Variants in GRM5 observed in about 807,000 individuals in gnomAD.
GRM5 encodes glutamate metabotropic receptor 5, also known as metabotropic glutamate receptor 5.
In GRM5, 19 loss-of-function variants were observed where a neutral mutation model predicts 83.1. That is an observed-to-expected ratio of 0.23 (90% CI 0.16 to 0.34). The LOEUF is 0.34. Among genes scored for constraint, GRM5 ranks in the 10% least tolerant of loss-of-function variants. The probability of loss-of-function intolerance (pLI) is 1.00; values close to 1 mark genes in which losing one functional copy is unlikely to be tolerated. For synonymous variants in GRM5, 675 were observed against 633.6 expected, an observed-to-expected ratio of 1.07 and a Z score of -0.98; for missense variants, 1,160 against 1,588.3, an observed-to-expected ratio of 0.73 and a Z score of 4.58.
intron 1 of GRM5, among the ~76,000 whole-genome samples, chr11:89,056,483 C>CT (rs1402013338): frequency 1.3e-5 from 2 of 152,046 alleles, no homozygotes; most frequent in East Asian, 1.9e-4. Context: ...CGTAAAGAGC[C>CT]TTTTTTCATT....
chr11:88,770,023 C>A (rs141166474), intron 3 of GRM5, among the ~76,000 whole-genome samples: 108 of 152,086 alleles, frequency 7.1e-4, no homozygotes, highest in Middle Eastern at 3.4e-3. Flanking sequence ...ATAGTATACA[C>A]CCTGGATATG....
chr11:88,681,443 TC>T (rs1369824403), intron 3 of GRM5, among the ~76,000 whole-genome samples: 1 of 151,838 alleles, frequency 6.6e-6, no homozygotes, highest in African/African-American at 2.4e-5. Context: ...TTCCTTCTTC[TC>T]TTAGCTTTTG....
At chr11:88,695,568 T>C (rs1186123027) in intron 3 of GRM5, among the ~76,000 whole-genome samples, 7 of 152,220 alleles carry the variant, frequency 4.6e-5, no homozygotes, top group Admixed American at 2.6e-4. Flanking sequence ...AAAGAAACAT[T>C]CATATGAGTC....
At chr11:88,511,865 C>T (rs1435474768) in intron 9 of GRM5, 3 of 152,152 alleles carry the variant, frequency 2.0e-5, no homozygotes, top group African/African-American at 7.2e-5. Context: ...GGATAAGAAA[C>T]AGGTGTTTCG....
intron 2 of GRM5, among the ~76,000 whole-genome samples, chr11:88,981,659 T>G (rs1198660210): frequency 6.6e-6 from 1 of 152,178 alleles, no homozygotes; most frequent in African/African-American, 2.4e-5. Flanking sequence ...GGGTTCTTAG[T>G]TTCAGATTAT....
At position 88,522,603 on chromosome 11, in the gene GRM5, C is replaced by CTCTGTGTGTGTG. The variant is rs1206475339; in HGVS notation, c.2726+2705_2726+2706insCACACACACAGA. ...TCTCTCTCTCGCTCTCTCTCTCTCTCTGTGTGTGTGTGTGTGTGTGTGTGT... is the reference window on the plus strand; with the variant it reads ...TCTCTCTCTCGCTCTCTCTCTCTCTCTCTGTGTGTGTGTGTGTGTGTGTGTGTGTGTGTGTGT... On this transcript the variant is annotated intron_variant, in intron 9 of 9. Coordinates refer to ENST00000305447, the MANE Select transcript of GRM5 (RefSeq NM_001143831.3). Among the ~76,000 whole-genome samples, 1,053 of 127,250 alleles carry CTCTGTGTGTGTG rather than the reference C, an allele frequency of 8.3e-3. 19 individuals are homozygous for CTCTGTGTGTGTG. Among genetic ancestry groups the CTCTGTGTGTGTG allele is most frequent in the African/African-American group, 0.028 (981 of 35,168 alleles). 83.5% of individuals were successfully genotyped at this position (127,250 alleles called of 152,430 possible). A position where few individuals can be genotyped will look rare whatever the true frequency, so the allele number is the denominator to read the frequency against.
At chr11:88,770,336 C>T (rs943401432) in intron 3 of GRM5, among the ~76,000 whole-genome samples, 3 of 152,010 alleles carry the variant, frequency 2.0e-5, no homozygotes, top group African/African-American at 7.2e-5. Flanking sequence ...AATAAATATT[C>T]TCTTACTAAA....
At chr11:88,718,096 C>A (rs1422928515) in intron 3 of GRM5, among the ~76,000 whole-genome samples, 1 of 151,616 alleles carries the variant, frequency 6.6e-6, no homozygotes, top group African/African-American at 2.4e-5. Context: ...TAGTCTAGCC[C>A]CTGGCTACCT....
intron 2 of GRM5, among the ~76,000 whole-genome samples, chr11:88,866,633 A>G (rs563986634): frequency 4.6e-5 from 7 of 152,032 alleles, no homozygotes; most frequent in African/African-American, 1.7e-4. Flanking sequence ...TGAAGCATTG[A>G]CAATATGCAA....
chr11:88,518,759 G>T (rs1330141426), intron 9 of GRM5, among the ~76,000 whole-genome samples: 1 of 151,652 alleles, frequency 6.6e-6, no homozygotes, highest in Non-Finnish European at 1.5e-5. Context: ...GCTCTTGCAG[G>T]TTCCATCAGA....
At chr11:88,808,227 A>T (rs982302630) in intron 3 of GRM5, among the ~76,000 whole-genome samples, 2 of 152,042 alleles carry the variant, frequency 1.3e-5, no homozygotes, top group Admixed American at 1.3e-4. Context: ...TTCCACTAGA[A>T]TATAAGTTTT....
rs1383111004 is a variant in GRM5 at position 88,604,859 on chromosome 11, A to G, written c.1253T>C (p.Leu418Pro). 6.2e-7 allele frequency: 1 copy of G among 1,613,944 alleles called. No individual in the cohort carries two copies. Among genetic ancestry groups the G allele is most frequent in the Non-Finnish European group, 8.5e-7 (1 of 1,179,824 alleles). The change falls in exon 5 of 10, where the codon CTC (leucine) becomes CCC (proline). Residue 418 changes from leucine (L) to proline (P), a missense_variant. Leu to Pro is a moderately conservative substitution (Grantham distance 98, BLOSUM62 -3). Around this residue, in one of 9 missense-constraint regions of GRM5, gnomAD observed 132 missense variants for 197.6 expected, o/e 0.67. Coordinates refer to ENST00000305447, the MANE Select transcript of GRM5 (RefSeq NM_001143831.3). ...AYGLHNMQMS[L>P]CPGYAGLCDA... ...ACAGAGTCCTGCATAGCCTGGGCAG[A>G]GGGACATCTGCATGTTGTGGAGCCC...
At chr11:88,806,036 C>A (rs1943494291) in intron 3 of GRM5, among the ~76,000 whole-genome samples, 1 of 152,166 alleles carries the variant, frequency 6.6e-6, no homozygotes, top group African/African-American at 2.4e-5. Flanking sequence ...TAATTCAAAT[C>A]CCAATTCTGC....
intron 2 of GRM5, among the ~76,000 whole-genome samples, chr11:88,981,766 G>GTT (rs1939530992): frequency 6.6e-6 from 1 of 152,106 alleles, no homozygotes; most frequent in Admixed American, 6.6e-5. Flanking sequence ...TCAAATTCTG[G>GTT]TTACCTTCTA....
chr11:89,009,989 T>C (rs1240440088), intron 2 of GRM5, among the ~76,000 whole-genome samples: 1 of 142,878 alleles, frequency 7.0e-6, no homozygotes, highest in Non-Finnish European at 1.5e-5. Flanking sequence ...GAAACATCAA[T>C]TAGCTACAAA....
chr11:88,981,888 T>C (rs1939535856), intron 2 of GRM5, among the ~76,000 whole-genome samples: 1 of 152,192 alleles, frequency 6.6e-6, no homozygotes, highest in African/African-American at 2.4e-5. Flanking sequence ...AATTGGCATC[T>C]AGGAGGCTGA....
At chr11:88,544,513 A>C (rs1942347044) in intron 8 of GRM5, among the ~76,000 whole-genome samples, 1 of 152,104 alleles carries the variant, frequency 6.6e-6, no homozygotes, top group African/African-American at 2.4e-5. Flanking sequence ...GAAACTCCCC[A>C]CTAACCTCTG....
intron 3 of GRM5, among the ~76,000 whole-genome samples, chr11:88,837,806 C>T (rs1459581183): frequency 2.0e-5 from 3 of 152,082 alleles, no homozygotes; most frequent in African/African-American, 7.2e-5. Flanking sequence ...TTACGTCGGC[C>T]GGGCGCGGTG....
intron 2 of GRM5, among the ~76,000 whole-genome samples, chr11:88,964,017 T>C (rs540305859): frequency 1.0e-3 from 152 of 152,294 alleles, no homozygotes; most frequent in African/African-American, 3.6e-3. Context: ...TTACACAGAT[T>C]GGAGACTCTA....
Sources: allele counts gnomAD v4.1 joint callset (sites outside exome capture counted in the v4.1 genomes callset), GRCh38; gene constraint gnomAD v4.1.1; regional missense constraint gnomAD v4.1.1; transcripts MANE v1.5; gene names NCBI Gene and HGNC (gene_info 2026-07-23, HGNC 2026-07-21).